The following PAN3 variants were observed in gnomAD, a reference collection of about 807,000 sequenced individuals.
PAN3 encodes the protein PAN2-PAN3 deadenylation complex subunit PAN3.
Under a neutral mutation model 96.2 loss-of-function variants are expected in PAN3, and 19 were observed. That is an observed-to-expected ratio of 0.20 (90% CI 0.14 to 0.29). The LOEUF is 0.29. Ranked by LOEUF, PAN3 falls within the 10% of genes least tolerant of loss-of-function variation. The pLI, the probability that PAN3 is intolerant of heterozygous loss-of-function variation, is 1.00. For synonymous variants in PAN3, 433 were observed against 406.6 expected (o/e 1.06, Z -0.78); for missense variants, 882 against 1,108.1 (o/e 0.80, Z 2.90).
chr13:28,175,835 T>C (rs1874897436), intron 2 of PAN3, among the ~76,000 whole-genome samples: 1 of 152,234 alleles, frequency 6.6e-6, no homozygotes, highest in African/African-American at 2.4e-5. Context: ...TTTTTTCTTC[T>C]CTTTTAAAAT....
chr13:28,175,253 T>C (rs1378849786), intron 2 of PAN3, among the ~76,000 whole-genome samples: 1 of 152,102 alleles, frequency 6.6e-6, no homozygotes, highest in Non-Finnish European at 1.5e-5. Context: ...TCTCTCCCTC[T>C]CTCTCTCTGG....
intron 1 of PAN3, among the ~76,000 whole-genome samples, chr13:28,168,613 G>A (rs1442273815): frequency 1.3e-5 from 2 of 152,138 alleles, no homozygotes; most frequent in African/African-American, 4.8e-5. Context: ...CAGTTACTTG[G>A]GAGGCTGAGG....
intron 14 of PAN3, among the ~76,000 whole-genome samples, chr13:28,276,217 T>G (rs1343926425): frequency 6.6e-6 from 1 of 152,216 alleles, no homozygotes; most frequent in Non-Finnish European, 1.5e-5. Context: ...GTTTTTAAGC[T>G]TCTCAAGTGA....
At chr13:28,239,501 A>T (rs1883448073) in intron 6 of PAN3, 1 of 757,278 alleles carries the variant, frequency 1.3e-6, no homozygotes, top group Non-Finnish European at 1.9e-6. Context: ...GGACCCAGTA[A>T]GTTTGTCCTT....
At chr13:28,147,103 A>G (rs1425371091) in intron 1 of PAN3, among the ~76,000 whole-genome samples, 2 of 152,252 alleles carry the variant, frequency 1.3e-5, no homozygotes, top group South Asian at 2.1e-4. Context: ...CAACAAATCA[A>G]TATATGTTTG....
At chr13:28,177,128 C>G (rs1451116662) in intron 3 of PAN3, among the ~76,000 whole-genome samples, 6 of 151,934 alleles carry the variant, frequency 3.9e-5, no homozygotes, top group Admixed American at 6.6e-5. Context: ...AAAATTAAAG[C>G]TCAGAAATGA....
chr13:28,232,135 G>C (rs932161111), intron 6 of PAN3, among the ~76,000 whole-genome samples: 1 of 152,130 alleles, frequency 6.6e-6, no homozygotes, highest in Admixed American at 6.5e-5. Flanking sequence ...TACTTTATTT[G>C]TAATATCTTT....
chr13:28,193,784 C>A (rs1877605472), intron 4 of PAN3, among the ~76,000 whole-genome samples: 1 of 142,330 alleles, frequency 7.0e-6, no homozygotes, highest in African/African-American at 2.6e-5. Context: ...AACCAAAGAG[C>A]AACAACCTTT....
At chr13:28,194,777 A>G (rs1877807165) in intron 4 of PAN3, among the ~76,000 whole-genome samples, 1 of 151,828 alleles carries the variant, frequency 6.6e-6, no homozygotes, top group East Asian at 1.9e-4. Flanking sequence ...GCCAAATATA[A>G]ATTTTAAATT....
chr13:28,214,841 T>C (rs886689757), intron 5 of PAN3: 3 of 679,826 alleles, frequency 4.4e-6, no homozygotes, highest in East Asian at 5.4e-5. Flanking sequence ...CATCTCAGGC[T>C]GACTGTGCTG....
chr13:28,252,945 T>C (rs1884855922), intron 6 of PAN3, among the ~76,000 whole-genome samples: 1 of 152,210 alleles, frequency 6.6e-6, no homozygotes, highest in South Asian at 2.1e-4. Flanking sequence ...TAACCATTGG[T>C]AGCCCTTTCC....
chr13:28,254,874 G>C (rs1240967242), intron 6 of PAN3, among the ~76,000 whole-genome samples: 1 of 152,078 alleles, frequency 6.6e-6, no homozygotes, highest in Non-Finnish European at 1.5e-5. Context: ...TGGCTTTGCT[G>C]TTGACTTTGC....
intron 1 of PAN3, among the ~76,000 whole-genome samples, chr13:28,173,126 T>C (rs1874514920): frequency 6.6e-6 from 1 of 152,194 alleles, no homozygotes; most frequent in Non-Finnish European, 1.5e-5. Context: ...AATGTGGCAT[T>C]ATTAGGTTAA....
chr13:28,169,221 G>GTTTTT (rs1491548778), intron 1 of PAN3, among the ~76,000 whole-genome samples: 1 of 108,626 alleles, frequency 9.2e-6, no homozygotes, highest in African/African-American at 3.8e-5. Context: ...TTTTTTGTTT[G>GTTTTT]CTTTTTTTTT....
Position 28,270,731 on chromosome 13 carries a change from A to G in PAN3, c.1823A>G (p.His608Arg), listed in dbSNP as rs1320316826. ...CACGAGGGACCATTGCCCAGGCAGCATGCTGGATTATTGCCAGAATCTCTT... is the reference window on the plus strand; with the variant it reads ...CACGAGGGACCATTGCCCAGGCAGCGTGCTGGATTATTGCCAGAATCTCTT... ...GQHEGPLPRQHAGLLPESLIW... is the reference protein window; with the variant it reads ...GQHEGPLPRQRAGLLPESLIW... The change falls in exon 13 of 19, where the codon CAT becomes CGT. Residue 608 changes from histidine to arginine, a missense_variant. By Grantham distance (29) the His-to-Arg change is conservative (BLOSUM62 0). Transcript: ENST00000380958. The G allele has an allele frequency of 5.0e-6, 8 of 1,614,008 alleles. No individual in the cohort carries two copies. Among genetic ancestry groups the G allele is most frequent in the Non-Finnish European group, 6.8e-6 (8 of 1,179,884 alleles).
chr13:28,221,505 T>G (rs1376448935), intron 6 of PAN3, among the ~76,000 whole-genome samples: 2 of 152,140 alleles, frequency 1.3e-5, no homozygotes, highest in Non-Finnish European at 2.9e-5. Context: ...TTCAAGGACC[T>G]CTTTGGGAAG....
rs372670657 is a variant in PAN3 at position 28,254,341 on chromosome 13, G to A, written c.1001-1951G>A. Among the ~76,000 whole-genome samples, 7 of 152,182 alleles carry A rather than the reference G, an allele frequency of 4.6e-5. No individual in the cohort carries two copies. In the East Asian group the frequency reaches 1.3e-3, roughly 29 times the overall value. On this transcript the variant is annotated intron_variant, in intron 6 of 18. Coordinates refer to ENST00000380958, the MANE Select transcript of PAN3 (RefSeq NM_175854.8). The stretch of plus-strand genomic sequence containing the variant: ...ACCTACCTCACAGGGTGGTTGTGAG[G>A]ATTAAGTAGATTGATGGATGTGGAG...
At chr13:28,139,982 C>T (rs1033460531) in intron 1 of PAN3, among the ~76,000 whole-genome samples, 2 of 152,034 alleles carry the variant, frequency 1.3e-5, no homozygotes, top group Non-Finnish European at 2.9e-5. Flanking sequence ...GAGTCTCGCC[C>T]TGTCGCTCAG....
intron 4 of PAN3, among the ~76,000 whole-genome samples, chr13:28,191,281 T>G (rs1244557468): frequency 6.6e-6 from 1 of 152,218 alleles, no homozygotes. Context: ...CCAATAGTGG[T>G]TTTTAACCTA....
Sources: gnomAD v4.1 joint callset for allele counts (sites outside exome capture counted in the v4.1 genomes callset) on GRCh38, gnomAD v4.1.1 for gene constraint, MANE v1.5 for transcripts, NCBI Gene and HGNC (gene_info 2026-07-23, HGNC 2026-07-21) for gene names.